Variants in ARHGEF1 observed in about 807,000 individuals in gnomAD.
ARHGEF1 encodes the protein 115 kDa guanine nucleotide exchange factor.
ARHGEF1 carries 40 observed loss-of-function variants against 119.7 expected under a neutral mutation model. The ratio of observed to expected loss-of-function variants is 0.33; its 90% CI spans 0.26 to 0.44. The LOEUF (loss-of-function observed/expected upper bound fraction) is 0.44, where lower values mean the gene tolerates loss of function less well. Ranked by LOEUF, ARHGEF1 falls within the 20% of genes least tolerant of loss-of-function variation. The pLI is 1.00. For missense variants in ARHGEF1, 976 were observed against 1,268.3 expected (o/e 0.77, Z 3.50); for synonymous variants, 494 against 521.0 (o/e 0.95, Z 0.71).
chr19:41,905,900 C>G lies in ARHGEF1; in HGVS notation c.2405-39C>G. The G allele has an allele frequency of 6.2e-7, 1 of 1,613,534 alleles. No individual in the cohort carries two copies. Among genetic ancestry groups the G allele is most frequent in the East Asian group, 2.2e-5 (1 of 44,866 alleles). ...GTGAAGAGAGGCATCCACAGGAGGC[C>G]CGGCAGGATCTGAGCTCCCTCTCTG... is the stretch of plus-strand genomic sequence containing the variant. On this transcript the variant is annotated intron_variant, in intron 25 of 28. Transcript: ENST00000354532. The surrounding 1 kb of genome is among the most constrained non-coding windows in gnomAD (Gnocchi z 6.4).
chr19:41,897,959 C>G (rs2074539970), intron 13 of ARHGEF1: 1 of 1,314,194 alleles, frequency 7.6e-7, no homozygotes, highest in Non-Finnish European at 9.7e-7. Context: ...ATCAGGGCGT[C>G]TGGGGCGCTC....
chr19:41,913,012 G>A (rs2074763022), intron 18 of ARHGEF1: 1 of 584,996 alleles, frequency 1.7e-6, no homozygotes, highest in Non-Finnish European at 2.5e-6. Context: ...GCGCTGCCCG[G>A]GGCCTTCCCC....
chr19:41,895,374 G>C lies in ARHGEF1; in HGVS notation c.903G>C (p.Arg301=). The C allele has an allele frequency of 6.2e-7, 1 of 1,612,230 alleles. No homozygotes were observed. Among genetic ancestry groups the C allele is most frequent in the African/African-American group, 1.3e-5 (1 of 74,980 alleles). ...CCGAGAAGCCAGGTGCTACAGACCGGAAGGGAGGCGTGGGGATGCCCTCTC... is the reference window on the plus strand; with the variant it reads ...CCGAGAAGCCAGGTGCTACAGACCGCAAGGGAGGCGTGGGGATGCCCTCTC... ...VDAEKPGATD[R]KGGVGMPSRD... The change falls in exon 12 of 29, where the codon CGG becomes CGC. Residue 301 remains arginine, a synonymous_variant. Coordinates refer to ENST00000354532, the MANE Select transcript of ARHGEF1 (RefSeq NM_004706.4).
chr19:41,905,856 G>A lies in ARHGEF1; in HGVS notation c.2404+29G>A, dbSNP rs782199611. 42 of 1,613,928 alleles carry A rather than the reference G, an allele frequency of 2.6e-5. 1 individual carries two copies. The South Asian group carries it at 4.5e-4, about 17-fold the overall frequency. On this transcript the variant is annotated intron_variant, in intron 25 of 28. Coordinates refer to ENST00000354532, the MANE Select transcript of ARHGEF1 (RefSeq NM_004706.4). The surrounding 1 kb of genome is among the most constrained non-coding windows in gnomAD (Gnocchi z 6.4). ...AGACCAGAGGGATGCTGGGTGAGGGGCCAGGTTGGGGCTGCCGGGTGAAGA... is the reference window on the plus strand; with the variant it reads ...AGACCAGAGGGATGCTGGGTGAGGGACCAGGTTGGGGCTGCCGGGTGAAGA...
At chr19:41,921,363 AG>A (rs1349020373), upstream of ARHGEF1, among the ~76,000 whole-genome samples, 116 of 152,228 alleles carry the variant, frequency 7.6e-4, no homozygotes, top group African/African-American at 2.6e-3. This position sits in a 1 kb window ranked among gnomAD's most constrained non-coding sequence, Gnocchi z 4.4. Flanking sequence ...AGGGAGATGG[AG>A]GGGGATAGGC....
At position 41,902,211 on chromosome 19, in the gene ARHGEF1, AGCAG is replaced by A; in HGVS notation, c.1415-60_1415-57del. 6.3e-7 allele frequency: 1 copy of A among 1,598,862 alleles called. No homozygotes were observed. Among genetic ancestry groups the A allele is most frequent in the Non-Finnish European group, 8.6e-7 (1 of 1,167,980 alleles). On this transcript the variant is annotated intron_variant, in intron 15 of 28. Transcript: ENST00000354532. The surrounding 1 kb of genome is among the most constrained non-coding windows in gnomAD (Gnocchi z 6.5). ...TGCAGCCCTACCCCCACCACACCGCAGCAGGCCCCGCACAGCATCTTCCAGACCC... is the reference window on the plus strand; with the variant it reads ...TGCAGCCCTACCCCCACCACACCGCAGCCCCGCACAGCATCTTCCAGACCC...
chr19:41,896,275 C>T (rs373980194), intron 12 of ARHGEF1, 102 bp from the exon 13 acceptor site: 3 of 539,784 alleles, frequency 5.6e-6, no homozygotes, highest in Non-Finnish European at 6.4e-6. Flanking sequence ...TGGTGTCTGC[C>T]AGGCACTGGG....
chr19:41,912,643 C>T (rs1272124438), intron 18 of ARHGEF1, among the ~76,000 whole-genome samples: 1 of 152,250 alleles, frequency 6.6e-6, no homozygotes, highest in Non-Finnish European at 1.5e-5. Flanking sequence ...CCACCTATCC[C>T]CCCAGCACGC....
chr19:41,897,079 C>G, intron 13 of ARHGEF1: 1 of 370,558 alleles, frequency 2.7e-6, no homozygotes, highest in Middle Eastern at 7.7e-4. Flanking sequence ...CTCTTTCAAG[C>G]CCCCCTGCCC....
At chr19:41,885,311 C>T (rs2074277057) in intron 1 of ARHGEF1, among the ~76,000 whole-genome samples, 1 of 152,220 alleles carries the variant, frequency 6.6e-6, no homozygotes, top group African/African-American at 2.4e-5. Flanking sequence ...CCTGCCTAGG[C>T]CATAGTGACC....
Position 41,905,291 on chromosome 19 carries a change from T to G in ARHGEF1, c.2336+30T>G. On this transcript the variant is annotated intron_variant, in intron 24 of 28. Coordinates refer to ENST00000354532, the MANE Select transcript of ARHGEF1 (RefSeq NM_004706.4). The surrounding 1 kb of genome is among the most constrained non-coding windows in gnomAD (Gnocchi z 6.4). ...GGGGGGCCATGGAGAGAGCTGGAGG[T>G]TCAGGGAGTGGGGCCGGAAGGCGGG... 1.3e-6 allele frequency: 2 copies of G among 1,587,010 alleles called. No homozygotes were observed. Among genetic ancestry groups the G allele is most frequent in the Non-Finnish European group, 1.7e-6 (2 of 1,165,912 alleles).
In ARHGEF1 at chr19:41,904,687, G is replaced by A. The variant is rs559369328; in HGVS notation, c.2162-262G>A. Among the ~76,000 whole-genome samples, 14 of 152,302 alleles carry A rather than the reference G, an allele frequency of 9.2e-5. No individual in the cohort carries two copies. In the East Asian group the frequency reaches 2.7e-3, roughly 29 times the overall value. On this transcript the variant is annotated intron_variant, in intron 22 of 28. Coordinates refer to ENST00000354532, the MANE Select transcript of ARHGEF1 (RefSeq NM_004706.4). This position sits in a 1 kb window ranked among gnomAD's most constrained non-coding sequence, Gnocchi z 8.4. ...AAGTTGCACCAGGGCCACAAACACTGGAAGCGGCTGGAGGGTGGGAGTGGC... is the reference window on the plus strand; with the variant it reads ...AAGTTGCACCAGGGCCACAAACACTAGAAGCGGCTGGAGGGTGGGAGTGGC...
chr19:41,884,541 C>T, intron 1 of ARHGEF1: 1 of 1,600,142 alleles, frequency 6.2e-7, no homozygotes, highest in Non-Finnish European at 8.5e-7. Context: ...CTCTGCACGT[C>T]CTCCCCGGCA....
downstream of ARHGEF1, chr19:41,907,475 G>A (rs1599669052): frequency 8.3e-6 from 12 of 1,437,248 alleles, no homozygotes; most frequent in South Asian, 1.3e-4. Flanking sequence ...TGATGGCGGG[G>A]TGGGGCCTGG....
chr19:41,926,475 G>C (rs1183731545), intron 1 of ARHGEF1, among the ~76,000 whole-genome samples: 1 of 152,116 alleles, frequency 6.6e-6, no homozygotes, highest in Non-Finnish European at 1.5e-5. Flanking sequence ...TGAGGCCACA[G>C]GTGGGTGCAG....
At chr19:41,920,120 C>G (rs181051660), upstream of ARHGEF1, among the ~76,000 whole-genome samples, 2 of 113,490 alleles carry the variant, frequency 1.8e-5, no homozygotes, top group Admixed American at 2.1e-4. Flanking sequence ...AGACATGACA[C>G]GCTCACACAT....
Position 41,903,629 on chromosome 19 carries a change from T to G in ARHGEF1, c.1840-78T>G. ...CCGCATCAGAAGTTGGTCTTGGCTCTCATCTTACCAATGTGGGTCACTGCA... is the reference window on the plus strand; with the variant it reads ...CCGCATCAGAAGTTGGTCTTGGCTCGCATCTTACCAATGTGGGTCACTGCA... On this transcript the variant is annotated intron_variant, in intron 19 of 28. Transcript: ENST00000354532. The surrounding 1 kb of genome is among the most constrained non-coding windows in gnomAD (Gnocchi z 4.2). 2.0e-6 allele frequency: 3 copies of G among 1,496,608 alleles called. No individual in the cohort carries two copies. The highest frequency in any genetic ancestry group is 2.8e-6 in the Non-Finnish European group (3 of 1,086,370). 92.7% of individuals were successfully genotyped at this position (1,496,608 alleles called of 1,614,324 possible). A position where few individuals can be genotyped will look rare whatever the true frequency, so the allele number is the denominator to read the frequency against.
chr19:41,925,013 T>G (rs1555853105), intron 1 of ARHGEF1, among the ~76,000 whole-genome samples: 1 of 151,800 alleles, frequency 6.6e-6, no homozygotes, highest in African/African-American at 2.4e-5. Context: ...GTCACATGGA[T>G]GTTTGGGGGG....
upstream of ARHGEF1, among the ~76,000 whole-genome samples, chr19:41,920,339 G>A (rs201514592): frequency 2.3e-5 from 3 of 131,586 alleles, no homozygotes; most frequent in African/African-American, 5.8e-5. Context: ...ACACTCAGAC[G>A]TGATGCACTC....
Sources: gnomAD v4.1 joint callset for allele counts (sites outside exome capture counted in the v4.1 genomes callset) on GRCh38, gnomAD v4.1.1 for gene constraint, Gnocchi (gnomAD v3.1) non-coding constraint, MANE v1.5 for transcripts, NCBI Gene and HGNC (gene_info 2026-07-23, HGNC 2026-07-21) for gene names.